SGF29: variants seen among roughly 807,000 people sequenced by gnomAD.
SGF29 encodes the protein SAGA-associated factor 29.
In SGF29, 15 loss-of-function variants were observed where a neutral mutation model predicts 38.1. That is an observed-to-expected ratio of 0.39 (90% CI 0.26 to 0.61). SGF29 has a LOEUF of 0.61. Ranked by LOEUF, SGF29 falls within the 20% of genes least tolerant of loss-of-function variation. The pLI is 0.49. For synonymous variants in SGF29, 151 were observed against 160.8 expected (o/e 0.94, Z 0.46); for missense variants, 184 against 394.6 (o/e 0.47, Z 4.52).
chr16:28,590,010 G>A lies in SGF29; in HGVS notation c.290-86G>A, dbSNP rs1002250521. The A allele has an allele frequency of 1.1e-5, 16 of 1,492,538 alleles. No homozygotes were observed. The African/African-American group carries it at 2.1e-4, about 19-fold the overall frequency. The allele number at this position is 1,492,538 out of a possible 1,614,324, so 92.5% of individuals were successfully genotyped here. A position where few individuals can be genotyped will look rare whatever the true frequency, so the allele number is the denominator to read the frequency against. On this transcript the variant is annotated intron_variant, in intron 5 of 9. Coordinates refer to ENST00000317058, the MANE Select transcript of SGF29 (RefSeq NM_138414.3). The surrounding 1 kb of genome is among the most constrained non-coding windows in gnomAD (Gnocchi z 8.2). ...ACTCGGGAACTGGGGGCTCCCAGGTGCTCCTTCAACAGCTCAGTGCAGCAT... is the reference window on the plus strand; with the variant it reads ...ACTCGGGAACTGGGGGCTCCCAGGTACTCCTTCAACAGCTCAGTGCAGCAT...
intron 1 of SGF29, among the ~76,000 whole-genome samples, chr16:28,558,174 C>T (rs1208472656): frequency 6.7e-5 from 10 of 148,648 alleles, no homozygotes; most frequent in African/African-American, 1.2e-4. Context: ...GGTGCAGTCT[C>T]GACTCACTGC....
intron 2 of SGF29, among the ~76,000 whole-genome samples, chr16:28,584,133 C>T (rs573211976): frequency 5.3e-5 from 8 of 151,616 alleles, no homozygotes; most frequent in Admixed American, 3.3e-4. Flanking sequence ...TAGGACTATA[C>T]GCACATGCTA....
At chr16:28,591,535 G>C (rs1419090993) in intron 9 of SGF29, 55 bp from the exon 10 acceptor site, 21 of 1,233,824 alleles carry the variant, frequency 1.7e-5, no homozygotes, top group Non-Finnish European at 2.3e-5. Flanking sequence ...GGAAGGGGGT[G>C]CCTGTCCTGG....
Position 28,584,900 on chromosome 16 carries a change from C to A in SGF29, c.76-13C>A. The stretch of plus-strand genomic sequence containing the variant: ...AGGGCCACCGTCATGTCCTGCTGCT[C>A]TTTTCCTTACAGGAAGAGCGTTCGC... On this transcript the variant is annotated splice_polypyrimidine_tract_variant and intron_variant, in intron 2 of 9. Coordinates refer to ENST00000317058, the MANE Select transcript of SGF29 (RefSeq NM_138414.3). 6.2e-7 allele frequency: 1 copy of A among 1,611,658 alleles called. No homozygotes were observed. The highest frequency in any genetic ancestry group is 1.1e-5 in the South Asian group (1 of 90,970).
intron 1 of SGF29, among the ~76,000 whole-genome samples, chr16:28,562,689 G>A (rs572955910): frequency 5.3e-5 from 8 of 151,998 alleles, no homozygotes; most frequent in African/African-American, 1.7e-4. Flanking sequence ...GATTGCCTGC[G>A]CCCAGGAGTT....
rs974474044 is a variant in SGF29 at position 28,590,512 on chromosome 16, G to C, written c.566+70G>C. The C allele has an allele frequency of 1.9e-6, 3 of 1,613,132 alleles. No individual in the cohort carries two copies. The African/African-American group carries it at 4.0e-5, about 22-fold the overall frequency. On this transcript the variant is annotated intron_variant, in intron 7 of 9. Transcript: ENST00000317058. The surrounding 1 kb of genome is among the most constrained non-coding windows in gnomAD (Gnocchi z 8.2). ...GCCTGGGCTACGGGAGAAAAGCTCT[G>C]CAGAGGGTGCTCCCCAGAGGCTGGT...
chr16:28,556,940 AC>A (rs1364924773), intron 1 of SGF29, among the ~76,000 whole-genome samples: 1 of 152,150 alleles, frequency 6.6e-6, no homozygotes, highest in East Asian at 1.9e-4. Flanking sequence ...GAGCCACTGC[AC>A]CCAGTTTGCA....
intron 1 of SGF29, among the ~76,000 whole-genome samples, chr16:28,564,580 C>CACATATATATGT (rs1450326835): frequency 8.6e-6 from 1 of 116,320 alleles, no homozygotes; most frequent in Non-Finnish European, 1.8e-5. Context: ...TATATATACA[C>CACATATATATGT]GTATATATAT....
chr16:28,591,744 G>C lies in SGF29; in HGVS notation c.*38G>C, dbSNP rs1410423996. 6.6e-7 allele frequency: 1 copy of C among 1,509,704 alleles called. No individual in the cohort carries two copies. The allele number at this position is 1,509,704 out of a possible 1,614,324, so 93.5% of individuals were successfully genotyped here. A position where few individuals can be genotyped will look rare whatever the true frequency, so the allele number is the denominator to read the frequency against. ...GACTCGCCATCCCCCAACGACACAG[G>C]GCAGGACAGCAGAGGACGTGCTGGG... On this transcript the variant is annotated 3_prime_UTR_variant, in exon 10 of 10. Coordinates refer to ENST00000317058, the MANE Select transcript of SGF29 (RefSeq NM_138414.3).
chr16:28,585,561 A>G, intron 3 of SGF29, 87 bp from the exon 4 acceptor site: 1 of 1,221,772 alleles, frequency 8.2e-7, no homozygotes, highest in Non-Finnish European at 1.2e-6. Context: ...CTGTGCCTCC[A>G]CGAGTGTGAT....
intron 3 of SGF29, 23 bp from the exon 4 acceptor site, chr16:28,585,625 T>G: frequency 6.2e-7 from 1 of 1,611,454 alleles, no homozygotes; most frequent in Admixed American, 1.7e-5. Flanking sequence ...CCCTGCCTCC[T>G]TATCCCTGTG....
chr16:28,569,353 C>T (rs1040303566), intron 1 of SGF29, among the ~76,000 whole-genome samples: 1 of 152,130 alleles, frequency 6.6e-6, no homozygotes, highest in African/African-American at 2.4e-5. Flanking sequence ...CTCAGCATGG[C>T]CACGTTGTAA....
Position 28,590,380 on chromosome 16 carries a change from C to T in SGF29, c.504C>T (p.Ala168=), listed in dbSNP as rs138504261. Residue 168 remains alanine, a synonymous_variant, in exon 7 of 10, where the codon GCC becomes GCT. Coordinates refer to ENST00000317058, the MANE Select transcript of SGF29 (RefSeq NM_138414.3). The surrounding 1 kb of genome is among the most constrained non-coding windows in gnomAD (Gnocchi z 8.2). ...PGDKVAARVK[A]VDGDEQWILA... ...ACAAGGTGGCTGCCCGGGTGAAGGC[C>T]GTGGATGGGGACGAGCAGTGGATCC... The T allele has an allele frequency of 1.2e-5, 19 of 1,613,876 alleles. No homozygotes were observed. Among genetic ancestry groups the T allele is most frequent in the South Asian group, 5.5e-5 (5 of 91,072 alleles).
intron 4 of SGF29, among the ~76,000 whole-genome samples, chr16:28,586,301 T>A (rs1364006137): frequency 6.6e-6 from 1 of 151,972 alleles, no homozygotes; most frequent in Non-Finnish European, 1.5e-5. Flanking sequence ...ATGCCTGCAA[T>A]CGCAAGGTGG....
intron 1 of SGF29, among the ~76,000 whole-genome samples, chr16:28,562,094 A>T (rs1049171062): frequency 2.0e-5 from 3 of 152,170 alleles, no homozygotes; most frequent in African/African-American, 7.2e-5. Flanking sequence ...TGGCCAGGCC[A>T]TCATCGTGGG....
chr16:28,578,312 A>G (rs1189219472), intron 1 of SGF29, among the ~76,000 whole-genome samples: 3 of 152,072 alleles, frequency 2.0e-5, no homozygotes, highest in South Asian at 2.1e-4. Flanking sequence ...TTCCTTTCCA[A>G]TGTGGATGCC....
intron 1 of SGF29, among the ~76,000 whole-genome samples, chr16:28,555,609 T>C (rs765557998): frequency 1.4e-4 from 21 of 152,208 alleles, no homozygotes; most frequent in Non-Finnish European, 2.9e-4. Context: ...GACACTATTA[T>C]AGAGGCTGAG....
At chr16:28,555,482 G>T (rs1439652983) in intron 1 of SGF29, among the ~76,000 whole-genome samples, 1 of 152,070 alleles carries the variant, frequency 6.6e-6, no homozygotes, top group Non-Finnish European at 1.5e-5. Flanking sequence ...TCTCAAAAAA[G>T]AGTTCTAGAG....
At chr16:28,556,409 G>T (rs1015802022) in intron 1 of SGF29, among the ~76,000 whole-genome samples, 1 of 152,044 alleles carries the variant, frequency 6.6e-6, no homozygotes. Flanking sequence ...TTGCAATGGC[G>T]CAATCATGGC....
Sources: allele counts gnomAD v4.1 joint callset (sites outside exome capture counted in the v4.1 genomes callset), GRCh38; gene constraint gnomAD v4.1.1; non-coding constraint Gnocchi (gnomAD v3.1); transcripts MANE v1.5; gene names NCBI Gene and HGNC (gene_info 2026-07-23, HGNC 2026-07-21).